The following TERT variants were observed in gnomAD, a reference collection of about 807,000 sequenced individuals.
The protein encoded by TERT is telomerase reverse transcriptase.
TERT carries 42 observed loss-of-function variants against 104.0 expected under a neutral mutation model. That is an observed-to-expected ratio of 0.40 (90% CI 0.32 to 0.52). The LOEUF is 0.52. Among genes scored for constraint, TERT ranks in the 20% least tolerant of loss-of-function variants. The pLI is 0.43. For missense variants in TERT, 1,101 were observed against 1,610.3 expected (o/e 0.68, Z 5.41); for synonymous variants, 781 against 725.6 (o/e 1.08, Z -1.23).
intron 2 of TERT, among the ~76,000 whole-genome samples, chr5:1,291,177 C>T (rs1195888203): frequency 7.9e-6 from 1 of 126,762 alleles, no homozygotes; most frequent in South Asian, 2.8e-4. Context: ...GAGGGACACC[C>T]AGGGACGGTG....
Position 1,253,510 on chromosome 5 carries a change from T to TGCTGGACACTCAGCCCTTG in TERT, c.*199_*217dup. On this transcript the variant is annotated 3_prime_UTR_variant, in exon 16 of 16. Transcript: ENST00000310581. ...TGTGGGGAAGTGAAGACGGCAGGTG[T>TGCTGGACACTCAGCCCTTG]GCTGGACACTCAGCCCTTGGCTGGA... The TGCTGGACACTCAGCCCTTG allele has an allele frequency of 1.7e-6, 1 of 602,176 alleles. No homozygotes were observed. Among genetic ancestry groups the TGCTGGACACTCAGCCCTTG allele is most frequent in the Non-Finnish European group, 3.0e-6 (1 of 336,870 alleles). The allele number at this position is 602,176 out of a possible 1,614,324, so 37.3% of individuals were successfully genotyped here.
rs1197220796 is a variant in TERT, at chr5:1,261,436, G to A, written c.2844-836C>T. 6.6e-6 allele frequency among the ~76,000 whole-genome samples: 1 copy of A among 152,196 alleles called. No homozygotes were observed. The highest frequency in any genetic ancestry group is 1.5e-5 in the Non-Finnish European group (1 of 68,036). On this transcript the variant is annotated intron_variant, in intron 11 of 15. Coordinates refer to ENST00000310581, the MANE Select transcript of TERT (RefSeq NM_198253.3). This position sits in a 1 kb window ranked among gnomAD's most constrained non-coding sequence, Gnocchi z 7.4. ...AATGGTAAATAAGACCCGTGATAAT[G>A]TCTGGTCACTTCAGAAGTGGAATTA...
chr5:1,267,178 G>C (rs1402900836), intron 9 of TERT, among the ~76,000 whole-genome samples: 1 of 152,198 alleles, frequency 6.6e-6, no homozygotes, highest in Non-Finnish European at 1.5e-5. Flanking sequence ...GAAGAACCTT[G>C]ATCCACTGTA....
intron 6 of TERT, among the ~76,000 whole-genome samples, chr5:1,277,670 G>A (rs1203404046): frequency 6.6e-6 from 1 of 150,804 alleles, no homozygotes; most frequent in Non-Finnish European, 1.5e-5. Flanking sequence ...GTGGGGACGG[G>A]GGGGTCTCCT....
rs747696390 is a variant in TERT, at chr5:1,261,974, G to A, written c.2844-1374C>T. Among the ~76,000 whole-genome samples the A allele has an allele frequency of 1.4e-4, 22 of 152,158 alleles. No homozygotes were observed. Among genetic ancestry groups the A allele is most frequent in the Admixed American group, 1.2e-3 (19 of 15,280 alleles). ...TCACAGGGCGCCTTAAATAAATCAC[G>A]TGCACAAACGCTCCAGGGAATGGCC... On this transcript the variant is annotated intron_variant, in intron 11 of 15. Transcript: ENST00000310581. This position sits in a 1 kb window ranked among gnomAD's most constrained non-coding sequence, Gnocchi z 7.4.
chr5:1,266,615 A>G, intron 9 of TERT, 80 bp from the exon 10 acceptor site: 1 of 1,105,704 alleles, frequency 9.0e-7, no homozygotes, highest in Non-Finnish European at 1.4e-6. Flanking sequence ...TGAATGTCAA[A>G]CAATTTACAC....
chr5:1,277,193 C>T (rs1349967389), intron 6 of TERT, among the ~76,000 whole-genome samples: 1 of 152,216 alleles, frequency 6.6e-6, no homozygotes, highest in African/African-American at 2.4e-5. Context: ...GCATCGCCCT[C>T]ACAAGCAGCC....
chr5:1,269,862 T>C lies in TERT; in HGVS notation c.2469-1229A>G, dbSNP rs1314951523. 6.6e-6 allele frequency among the ~76,000 whole-genome samples: 1 copy of C among 152,070 alleles called. No homozygotes were observed. Among genetic ancestry groups the C allele is most frequent in the Admixed American group, 6.5e-5 (1 of 15,278 alleles). ...ATTCAGAGGCCAAACTGGACCACGA[T>C]GGGGACTAGAGCTTCGGGCCTGTCC... On this transcript the variant is annotated intron_variant, in intron 8 of 15. Coordinates refer to ENST00000310581, the MANE Select transcript of TERT (RefSeq NM_198253.3). The surrounding 1 kb of genome is among the most constrained non-coding windows in gnomAD (Gnocchi z 9.0).
chr5:1,260,361 T>TA, intron 12 of TERT, 113 bp downstream of exon 12: 1 of 1,531,862 alleles, frequency 6.5e-7, no homozygotes. Flanking sequence ...TGTGCACTCT[T>TA]ACGTGCAGCC....
intron 12 of TERT, among the ~76,000 whole-genome samples, chr5:1,259,104 ACG>A (rs1747979507): frequency 7.5e-6 from 1 of 133,164 alleles, no homozygotes; most frequent in African/African-American, 2.9e-5. Flanking sequence ...GGGAGTGGAC[ACG>A]GACGCCCACA....
intron 7 of TERT, 125 bp downstream of exon 7, chr5:1,272,060 T>G: frequency 1.2e-6 from 1 of 852,752 alleles, no homozygotes; most frequent in Non-Finnish European, 1.9e-6. Flanking sequence ...CATGCCCCCA[T>G]CACAGCTCAT....
chr5:1,271,518 G>T (rs1749033667), intron 7 of TERT, among the ~76,000 whole-genome samples: 1 of 152,178 alleles, frequency 6.6e-6, no homozygotes, highest in Non-Finnish European at 1.5e-5. Context: ...CCGGGCACAG[G>T]GTCTGGGTCC....
In TERT at chr5:1,281,000, G is replaced by A. The variant is rs191859660; in HGVS notation, c.1770-662C>T. On this transcript the variant is annotated intron_variant, in intron 3 of 15. Coordinates refer to ENST00000310581, the MANE Select transcript of TERT (RefSeq NM_198253.3). ...GGAGCTGGTGCCCTGACCGCAGGCC[G>A]CAGGCCCAGCAGAGTAGAAAAGGCA... Among the ~76,000 whole-genome samples the A allele has an allele frequency of 7.0e-3, 1,060 of 152,322 alleles. 8 individuals carry two copies. The highest frequency in any genetic ancestry group is 0.024 in the African/African-American group (997 of 41,564).
rs530914674 is a variant in TERT at position 1,260,467 on chromosome 5, T to C, written c.2970+7A>G. On this transcript the variant is annotated splice_region_variant and intron_variant, in intron 12 of 15. Transcript: ENST00000310581. ...CTGAACTCTGTGCTGACCATCAGCC[T>C]GCTCACCTGCAAATCCAGAAACAGG... is the stretch of plus-strand genomic sequence containing the variant. 5.6e-6 allele frequency: 9 copies of C among 1,613,980 alleles called. No individual in the cohort carries two copies. The highest frequency in any genetic ancestry group is 7.6e-6 in the Non-Finnish European group (9 of 1,179,932).
In TERT at chr5:1,295,027, A is replaced by C. The variant is rs1021123807; in HGVS notation, c.-38T>G. 8 of 1,238,542 alleles carry C rather than the reference A, an allele frequency of 6.5e-6. No individual in the cohort carries two copies. In the African/African-American group the frequency reaches 1.1e-4, roughly 17 times the overall value. 76.7% of individuals were successfully genotyped at this position (1,238,542 alleles called of 1,614,324 possible). ...CGGGGCCAGGGCTTCCCACGTGCGC[A>C]GCAGGACGCAGCGCTGCCTGAAACT... On this transcript the variant is annotated 5_prime_UTR_variant, in exon 1 of 16. Transcript: ENST00000310581.
Position 1,269,678 on chromosome 5 carries a change from C to T in TERT, c.2469-1045G>A, listed in dbSNP as rs1372414805. Among the ~76,000 whole-genome samples, 2 of 152,096 alleles carry T rather than the reference C, an allele frequency of 1.3e-5. No homozygotes were observed. Among genetic ancestry groups the T allele is most frequent in the African/African-American group, 4.8e-5 (2 of 41,478 alleles). On this transcript the variant is annotated intron_variant, in intron 8 of 15. Coordinates refer to ENST00000310581, the MANE Select transcript of TERT (RefSeq NM_198253.3). The surrounding 1 kb of genome is among the most constrained non-coding windows in gnomAD (Gnocchi z 9.0). ...CTGGTGCAGATATCACAGTGATGGG[C>T]AAGAGGACTGCACTTTTTGCACAGA...
In TERT at chr5:1,294,340, A is replaced by G; in HGVS notation, c.546T>C (p.Thr182=). ...GPPLYQLGAA[T]QARPPPHASG... ...TAGCGTGTGGCGGGGGCCGGGCCTG[A>G]GTGGCAGCGCCGAGCTGGTACAGCG... The change falls in exon 2 of 16, where the codon ACT becomes ACC. Residue 182 remains threonine (T), a synonymous_variant. Transcript: ENST00000310581. The G allele has an allele frequency of 6.3e-7, 1 of 1,578,324 alleles. No homozygotes were observed. Among genetic ancestry groups the G allele is most frequent in the Non-Finnish European group, 8.6e-7 (1 of 1,169,538 alleles).
chr5:1,291,266 C>T (rs1162362190), intron 2 of TERT, among the ~76,000 whole-genome samples: 4 of 96,750 alleles, frequency 4.1e-5, no homozygotes, highest in African/African-American at 4.7e-5. Flanking sequence ...CACCCGGGGA[C>T]AGCGCCTCAC....
chr5:1,282,452 G>A lies in TERT; in HGVS notation c.1746C>T (p.Ser582=). The change falls in exon 3 of 16, where the codon AGC becomes AGT. Residue 582 remains serine, a synonymous_variant. Coordinates refer to ENST00000310581, the MANE Select transcript of TERT (RefSeq NM_198253.3). Reference sequence around the variant, plus strand: ...ACCTGATTCCAATGCTTTGCAACTTGCTCCAGACACTCTTCCGGTAGAAAA... The same window carrying A: ...ACCTGATTCCAATGCTTTGCAACTTACTCCAGACACTCTTCCGGTAGAAAA... ...RLFFYRKSVW[S]KLQSIGIRQH... The A allele has an allele frequency of 6.2e-7, 1 of 1,614,058 alleles. No individual in the cohort carries two copies. The highest frequency in any genetic ancestry group is 8.5e-7 in the Non-Finnish European group (1 of 1,179,996).
Sources: allele counts gnomAD v4.1 joint callset (sites outside exome capture counted in the v4.1 genomes callset), GRCh38; gene constraint gnomAD v4.1.1; non-coding constraint Gnocchi (gnomAD v3.1); transcripts MANE v1.5; gene names NCBI Gene and HGNC (gene_info 2026-07-23, HGNC 2026-07-21).